RAB31: variants seen among roughly 807,000 people sequenced by gnomAD.
RAB31 encodes ras-related protein Rab-31.
Under a neutral mutation model 25.6 loss-of-function variants are expected in RAB31, and 21 were observed. That is an observed-to-expected ratio of 0.82 (90% confidence interval 0.58 to 1.18). The LOEUF (loss-of-function observed/expected upper bound fraction) is 1.18. Ranked by LOEUF, RAB31 falls within the 50% of genes most tolerant of loss-of-function variation. The pLI, the probability that RAB31 is intolerant of heterozygous loss-of-function variation, is 0.00. For missense variants in RAB31, 196 were observed against 250.1 expected, an observed-to-expected ratio of 0.78 and a Z score of 1.46; for synonymous variants, 87 against 84.0, an observed-to-expected ratio of 1.04 and a Z score of -0.20.
chr18:9,724,249 C>G (rs1442422273), intron 1 of RAB31, among the ~76,000 whole-genome samples: 2 of 110,236 alleles, frequency 1.8e-5, no homozygotes, highest in Admixed American at 2.6e-4. Context: ...CCAGCCTGGG[C>G]GACAGAGCGA....
At chr18:9,827,958 G>A (rs927250682) in intron 5 of RAB31, among the ~76,000 whole-genome samples, 1 of 152,168 alleles carries the variant, frequency 6.6e-6, no homozygotes, top group Non-Finnish European at 1.5e-5. Context: ...AGTCCAGAAA[G>A]GACAGAGGGG....
intron 1 of RAB31, chr18:9,735,281 G>C (rs118151063): frequency 0.013 from 2,180 of 163,078 alleles, 23 homozygotes; most frequent in Non-Finnish European, 0.021. Context: ...GCCTCCCAAA[G>C]TGTAGGGATT....
At chr18:9,764,170 C>T (rs1366832943) in intron 1 of RAB31, among the ~76,000 whole-genome samples, 1 of 152,166 alleles carries the variant, frequency 6.6e-6, no homozygotes, top group African/African-American at 2.4e-5. Flanking sequence ...ATCAGCAATC[C>T]AGTTGATGGA....
At chr18:9,827,260 C>T (rs1339247937) in intron 5 of RAB31, among the ~76,000 whole-genome samples, 1 of 151,866 alleles carries the variant, frequency 6.6e-6, no homozygotes, top group Non-Finnish European at 1.5e-5. Context: ...TTTAGGGCCA[C>T]GAATGAATCA....
chr18:9,728,908 A>G (rs1268685512), intron 1 of RAB31, among the ~76,000 whole-genome samples: 2 of 152,092 alleles, frequency 1.3e-5, no homozygotes, highest in East Asian at 3.9e-4. Flanking sequence ...TTTAATTTGC[A>G]TTTCTTTATA....
intron 6 of RAB31, 93 bp from the exon 7 acceptor site, chr18:9,859,135 C>A: frequency 2.2e-6 from 1 of 448,794 alleles, no homozygotes; most frequent in Non-Finnish European, 3.2e-6. Context: ...TGTGCACAGC[C>A]CAAAGCAGGA....
rs2068102593 is a variant in RAB31 at position 9,727,771 on chromosome 18, T to G, written c.39+19327T>G. Among the ~76,000 whole-genome samples the G allele has an allele frequency of 2.0e-5, 3 of 152,234 alleles. No homozygotes were observed. In the South Asian group the frequency reaches 6.2e-4, roughly 32 times the overall value. ...CTTTGCTAAGATCAGTCTTTCCTCT[T>G]ACCCCAGCTTTACTGAGGTATAGTT... is the stretch of plus-strand genomic sequence containing the variant. On this transcript the variant is annotated intron_variant, in intron 1 of 6. Coordinates refer to ENST00000578921, the MANE Select transcript of RAB31 (RefSeq NM_006868.4).
At chr18:9,771,402 G>T (rs1377717687) in intron 1 of RAB31, among the ~76,000 whole-genome samples, 1 of 152,158 alleles carries the variant, frequency 6.6e-6, no homozygotes, top group Non-Finnish European at 1.5e-5. Context: ...ACATAGATGG[G>T]TTTCCGTCAG....
At chr18:9,844,097 C>A (rs1163094128) in intron 5 of RAB31, among the ~76,000 whole-genome samples, 1 of 152,198 alleles carries the variant, frequency 6.6e-6, no homozygotes, top group Non-Finnish European at 1.5e-5. Flanking sequence ...CTCTTGCCTG[C>A]AGCATTAGAG....
At chr18:9,828,364 G>A (rs751146214) in intron 5 of RAB31, among the ~76,000 whole-genome samples, 6 of 152,092 alleles carry the variant, frequency 3.9e-5, no homozygotes, top group South Asian at 2.1e-4. Context: ...GCAATGCCTC[G>A]GGTAGTCACT....
At position 9,708,810 on chromosome 18, in the gene RAB31, CG is replaced by C. The variant is rs1425132996; in HGVS notation, c.39+370del. Among the ~76,000 whole-genome samples the C allele has an allele frequency of 6.6e-6, 1 of 152,158 alleles. No individual in the cohort carries two copies. The highest frequency in any genetic ancestry group is 2.4e-5 in the African/African-American group (1 of 41,444). ...AGTCCCCGGATCCGCGGCGACCTCGCGGGGACCCCCAGCGGGGACGGGGCAG... is the reference window on the plus strand; with the variant it reads ...AGTCCCCGGATCCGCGGCGACCTCGCGGGACCCCCAGCGGGGACGGGGCAG... On this transcript the variant is annotated intron_variant, in intron 1 of 6. Coordinates refer to ENST00000578921, the MANE Select transcript of RAB31 (RefSeq NM_006868.4). The surrounding 1 kb of genome is among the most constrained non-coding windows in gnomAD (Gnocchi z 6.4).
At chr18:9,740,596 C>G (rs1312946196) in intron 1 of RAB31, among the ~76,000 whole-genome samples, 1 of 152,002 alleles carries the variant, frequency 6.6e-6, no homozygotes, top group Non-Finnish European at 1.5e-5. Context: ...ACCTGTAATC[C>G]CAGCTACTCA....
At chr18:9,780,175 CAAAA>C (rs11338062) in intron 2 of RAB31, among the ~76,000 whole-genome samples, 2 of 106,096 alleles carry the variant, frequency 1.9e-5, no homozygotes, top group South Asian at 3.0e-4. Flanking sequence ...AATACTGTTC[CAAAA>C]AAAAAAAAAA....
At chr18:9,786,413 T>C (rs2145497065) in intron 2 of RAB31, among the ~76,000 whole-genome samples, 1 of 152,362 alleles carries the variant, frequency 6.6e-6, no homozygotes, top group South Asian at 2.1e-4. Context: ...TGTAAGCCGC[T>C]GTAGCAAATT....
At chr18:9,731,741 G>A (rs1324012812) in intron 1 of RAB31, among the ~76,000 whole-genome samples, 4 of 151,786 alleles carry the variant, frequency 2.6e-5, no homozygotes, top group Admixed American at 6.6e-5. Flanking sequence ...GATTACAGGC[G>A]TGTGGCACCA....
At chr18:9,813,547 T>A (rs2068585675) in intron 3 of RAB31, among the ~76,000 whole-genome samples, 1 of 152,134 alleles carries the variant, frequency 6.6e-6, no homozygotes, top group Non-Finnish European at 1.5e-5. Context: ...GGAGGAAGAT[T>A]TATTATTTCA....
chr18:9,768,967 C>A (rs1461836267), intron 1 of RAB31, among the ~76,000 whole-genome samples: 1 of 152,116 alleles, frequency 6.6e-6, no homozygotes, highest in African/African-American at 2.4e-5. Flanking sequence ...TTCCCCATTG[C>A]TTGTTTTTCA....
chr18:9,858,161 G>A (rs2068828689), intron 6 of RAB31, among the ~76,000 whole-genome samples: 1 of 152,204 alleles, frequency 6.6e-6, no homozygotes, highest in Non-Finnish European at 1.5e-5. Flanking sequence ...AGGAAGTCAA[G>A]GTGTAGATTA....
rs187815286 is a variant in RAB31 at position 9,729,303 on chromosome 18, G to A, written c.39+20859G>A. ...AGCACTTTGGAAGGCTGAGGCGGGCGGATCACGAGGGGAGGAGATCGAGAC... is the reference window on the plus strand; with the variant it reads ...AGCACTTTGGAAGGCTGAGGCGGGCAGATCACGAGGGGAGGAGATCGAGAC... On this transcript the variant is annotated intron_variant, in intron 1 of 6. Coordinates refer to ENST00000578921, the MANE Select transcript of RAB31 (RefSeq NM_006868.4). Among the ~76,000 whole-genome samples the A allele has an allele frequency of 8.8e-4, 134 of 152,148 alleles. 1 individual carries two copies. The highest frequency in any genetic ancestry group is 3.1e-3 in the African/African-American group (130 of 41,512).
Sources: gnomAD v4.1 joint callset for allele counts (sites outside exome capture counted in the v4.1 genomes callset) on GRCh38, gnomAD v4.1.1 for gene constraint, Gnocchi (gnomAD v3.1) non-coding constraint, MANE v1.5 for transcripts, NCBI Gene and HGNC (gene_info 2026-07-23, HGNC 2026-07-21) for gene names.